The following CPXM2 variants were observed in gnomAD, a reference collection of about 807,000 sequenced individuals.
CPXM2 encodes the protein carboxypeptidase X, M14 family member 2, also known as inactive carboxypeptidase-like protein X2.
In CPXM2, 66 loss-of-function variants were observed where a neutral mutation model predicts 86.1. The ratio of observed to expected loss-of-function variants is 0.77; its 90% CI spans 0.63 to 0.94. The LOEUF is 0.94. Ranked by LOEUF, CPXM2 falls within the 40% of genes least tolerant of loss-of-function variation. The pLI is 0.00. For missense variants in CPXM2, 948 were observed against 1,026.3 expected (o/e 0.92, Z 1.04); for synonymous variants, 388 against 400.2 (o/e 0.97, Z 0.36).
At chr10:123,751,718 T>G (rs964374109) in intron 13 of CPXM2, 1 of 985,414 alleles carries the variant, frequency 1.0e-6, no homozygotes, top group Non-Finnish European at 1.2e-6. Context: ...AAATAAAACT[T>G]GTCAGATCAC....
chr10:123,876,402 A>G (rs1944988048), intron 2 of CPXM2, among the ~76,000 whole-genome samples: 1 of 152,146 alleles, frequency 6.6e-6, no homozygotes, highest in Admixed American at 6.5e-5. Flanking sequence ...CGTGCACGGG[A>G]ATCACTGTGA....
At chr10:123,910,323 T>C (rs535626708) in intron 2 of CPXM2, among the ~76,000 whole-genome samples, 7 of 152,284 alleles carry the variant, frequency 4.6e-5, no homozygotes, top group Admixed American at 2.6e-4. Flanking sequence ...TTTGCGGCCC[T>C]GGAGGTAGGA....
chr10:123,797,351 AT>A (rs1450174624), intron 6 of CPXM2, among the ~76,000 whole-genome samples: 1 of 152,054 alleles, frequency 6.6e-6, no homozygotes, highest in Non-Finnish European at 1.5e-5. Flanking sequence ...TTTCAACATA[AT>A]TTTCTTTTTT....
At chr10:123,932,423 G>C (rs1191380667) in intron 2 of CPXM2, among the ~76,000 whole-genome samples, 1 of 152,222 alleles carries the variant, frequency 6.6e-6, no homozygotes, top group Non-Finnish European at 1.5e-5. Context: ...GCCAGCAGAT[G>C]ATATTTCCCA....
intron 4 of CPXM2, among the ~76,000 whole-genome samples, chr10:123,821,435 G>C (rs529981183): frequency 6.6e-6 from 1 of 152,362 alleles, no homozygotes; most frequent in East Asian, 1.9e-4. Context: ...GGCAAGAACT[G>C]ACAGGTCATA....
At chr10:123,917,006 T>C (rs114636451) in intron 2 of CPXM2, among the ~76,000 whole-genome samples, 39 of 151,032 alleles carry the variant, frequency 2.6e-4, no homozygotes, top group African/African-American at 9.5e-4. Context: ...GAATGACAGA[T>C]AGGGAGATGG....
At chr10:123,828,455 A>G (rs1848092868) in intron 4 of CPXM2, among the ~76,000 whole-genome samples, 1 of 152,194 alleles carries the variant, frequency 6.6e-6, no homozygotes, top group South Asian at 2.1e-4. Context: ...GGTCTTTTCC[A>G]TGCTGTTCTC....
chr10:123,904,338 AAG>A (rs1945412944), intron 2 of CPXM2, among the ~76,000 whole-genome samples: 1 of 152,116 alleles, frequency 6.6e-6, no homozygotes. Flanking sequence ...CGCAGTGGGT[AAG>A]AGGGTGGGCC....
At chr10:123,818,372 A>G (rs1847856103) in intron 4 of CPXM2, among the ~76,000 whole-genome samples, 1 of 152,166 alleles carries the variant, frequency 6.6e-6, no homozygotes, top group Non-Finnish European at 1.5e-5. Flanking sequence ...ATTTGCCAGC[A>G]GCAGAGACCA....
intron 2 of CPXM2, among the ~76,000 whole-genome samples, chr10:123,918,640 T>C (rs1945554406): frequency 6.6e-6 from 1 of 152,194 alleles, no homozygotes; most frequent in African/African-American, 2.4e-5. Context: ...AGTGCACAGC[T>C]TGGGGCTAAA....
chr10:123,781,945 T>C (rs2134031435), intron 6 of CPXM2, among the ~76,000 whole-genome samples: 1 of 152,282 alleles, frequency 6.6e-6, no homozygotes, highest in East Asian at 1.9e-4. Context: ...AACAGCCCAC[T>C]TGCAACAAGT....
At chr10:123,774,062 T>A (rs1301991361) in intron 7 of CPXM2, among the ~76,000 whole-genome samples, 2 of 152,238 alleles carry the variant, frequency 1.3e-5, no homozygotes, top group Non-Finnish European at 2.9e-5. Context: ...AAAGGGCATC[T>A]CTTTTTTGAG....
At position 123,863,840 on chromosome 10, in the gene CPXM2, G is replaced by A. The variant is rs555294462; in HGVS notation, c.404-1117C>T. Among the ~76,000 whole-genome samples the A allele has an allele frequency of 1.1e-3, 160 of 152,298 alleles. 1 individual carries two copies. Among genetic ancestry groups the A allele is most frequent in the African/African-American group, 3.5e-3 (147 of 41,562 alleles). On this transcript the variant is annotated intron_variant, in intron 2 of 13. Coordinates refer to ENST00000241305, the MANE Select transcript of CPXM2 (RefSeq NM_198148.3). ...GAGACAGCTGGGAGCCTGGGCCCGT[G>A]CCCTTCACTCTCACCTCAGGACAAT... is the stretch of plus-strand genomic sequence containing the variant.
chr10:123,848,648 T>C (rs1164072566), intron 3 of CPXM2, among the ~76,000 whole-genome samples: 3 of 152,266 alleles, frequency 2.0e-5, no homozygotes, highest in African/African-American at 7.2e-5. Flanking sequence ...CTTTAGCCAT[T>C]AACATTGTAT....
intron 4 of CPXM2, among the ~76,000 whole-genome samples, chr10:123,826,663 A>T (rs1848053236): frequency 6.6e-6 from 1 of 152,148 alleles, no homozygotes; most frequent in Admixed American, 6.5e-5. Context: ...GGCCTTCTTA[A>T]CTATCAGAGG....
chr10:123,802,455 T>C (rs1346538127), intron 4 of CPXM2, among the ~76,000 whole-genome samples: 1 of 152,254 alleles, frequency 6.6e-6, no homozygotes. Flanking sequence ...TCTTTGATAA[T>C]TCTTATCGTT....
intron 12 of CPXM2, among the ~76,000 whole-genome samples, chr10:123,756,391 G>A (rs1846212523): frequency 1.3e-5 from 2 of 152,166 alleles, no homozygotes; most frequent in Non-Finnish European, 2.9e-5. Flanking sequence ...AGATGGATGT[G>A]TCCTTGACAG....
rs537906040 is a variant in CPXM2 at position 123,768,288 on chromosome 10, C to T, written c.1299+238G>A. 3.9e-5 allele frequency among the ~76,000 whole-genome samples: 6 copies of T among 152,108 alleles called. No homozygotes were observed. In the South Asian group the frequency reaches 6.2e-4, roughly 16 times the overall value. The stretch of plus-strand genomic sequence containing the variant: ...AGCTACTTAGGAGGCTGAGGCAAAT[C>T]GCTTGAATCCAGGAGGCAGAGGTTG... On this transcript the variant is annotated intron_variant, in intron 9 of 13. Coordinates refer to ENST00000241305, the MANE Select transcript of CPXM2 (RefSeq NM_198148.3).
Position 123,764,982 on chromosome 10 carries a change from AT to A in CPXM2, c.1479+1990del, listed in dbSNP as rs527871884. ...TTCTAATTATTTTTTAGTTGCCAGT[AT>A]TTTTTTCTTTGACTTATTCTTTAGA... On this transcript the variant is annotated intron_variant, in intron 10 of 13. Coordinates refer to ENST00000241305, the MANE Select transcript of CPXM2 (RefSeq NM_198148.3). Among the ~76,000 whole-genome samples the A allele has an allele frequency of 2.6e-3, 400 of 152,090 alleles. 3 individuals carry two copies. Among genetic ancestry groups the A allele is most frequent in the Non-Finnish European group, 3.1e-3 (210 of 68,000 alleles).
Sources: allele counts gnomAD v4.1 joint callset (sites outside exome capture counted in the v4.1 genomes callset), GRCh38; gene constraint gnomAD v4.1.1; transcripts MANE v1.5; gene names NCBI Gene and HGNC (gene_info 2026-07-23, HGNC 2026-07-21).